The following ZNF829 variants were observed in gnomAD, a reference collection of about 807,000 sequenced individuals.
ZNF829 encodes zinc finger protein 829.
Under a neutral mutation model 35.2 loss-of-function variants are expected in ZNF829, and 25 were observed. That is an observed-to-expected ratio of 0.71 (90% CI 0.52 to 0.99). The LOEUF (loss-of-function observed/expected upper bound fraction) is 0.99. Ranked by LOEUF, ZNF829 falls within the 50% of genes least tolerant of loss-of-function variation. ZNF829 has a pLI of 0.00. For synonymous variants in ZNF829, 136 were observed against 163.2 expected (o/e 0.83, Z 1.27); for missense variants, 417 against 515.3 (o/e 0.81, Z 1.85).
chr19:36,911,920 A>C (rs2073267591), intron 3 of ZNF829, among the ~76,000 whole-genome samples: 1 of 152,216 alleles, frequency 6.6e-6, no homozygotes, highest in Non-Finnish European at 1.5e-5. Context: ...CAGGAAATGC[A>C]ATTAGAGGTT....
Position 36,908,476 on chromosome 19 carries a change from G to A in ZNF829, c.97-17C>T. 1 of 1,580,374 alleles carries A rather than the reference G, an allele frequency of 6.3e-7. No homozygotes were observed. Among genetic ancestry groups the A allele is most frequent in the South Asian group, 1.2e-5 (1 of 85,104 alleles). On this transcript the variant is annotated splice_polypyrimidine_tract_variant and intron_variant, in intron 3 of 5. Coordinates refer to ENST00000391711, the MANE Select transcript of ZNF829 (RefSeq NM_001037232.4). ...CACCGGCCCCTGAAACAACAAACAT[G>A]CTTTCACAATGAAAGGAGAAAAGAA...
rs1317195499 is a variant in ZNF829, at chr19:36,889,928, A to T, written c.*1564T>A. On this transcript the variant is annotated 3_prime_UTR_variant, in exon 6 of 6. Transcript: ENST00000391711. ...TAATGCTATAAAATCCTCTCTTAGC[A>T]CTGCTTTTGCTGTATCTCAGATGTT... 1 of 152,136 alleles carries T rather than the reference A, an allele frequency of 6.6e-6. No individual in the cohort carries two copies. Among genetic ancestry groups the T allele is most frequent in the Non-Finnish European group, 1.5e-5 (1 of 68,032 alleles). The allele number at this position is 152,136 out of a possible 1,614,324, so 9.4% of individuals were successfully genotyped here.
In ZNF829 at chr19:36,892,056, A is replaced by G; in HGVS notation, c.735T>C (p.Cys245=). 2.5e-6 allele frequency: 4 copies of G among 1,614,018 alleles called. No individual in the cohort carries two copies. Among genetic ancestry groups the G allele is most frequent in the Non-Finnish European group, 3.4e-6 (4 of 1,179,966 alleles). Residue 245 remains cysteine, a synonymous_variant, in exon 6 of 6, where the codon TGT becomes TGC. Coordinates refer to ENST00000391711, the MANE Select transcript of ZNF829 (RefSeq NM_001037232.4). ...TTGAGCAATACTTAAAGGCTTTTCC[A>G]CATTCCTTACATTCATAGGGTTTCT... ...TGEKPYECKE[C]GKAFKYCSNL... is the part of the protein sequence containing the mutation.
At chr19:36,899,056 G>A (rs111298434) in intron 5 of ZNF829, among the ~76,000 whole-genome samples, 4,256 of 152,240 alleles carry the variant, frequency 0.028, 121 homozygotes, top group African/African-American at 0.074. Flanking sequence ...GAAACAATCA[G>A]CAGAGTGAAG....
chr19:36,899,006 A>C (rs572879270), intron 5 of ZNF829, among the ~76,000 whole-genome samples: 1 of 152,208 alleles, frequency 6.6e-6, no homozygotes, highest in Non-Finnish European at 1.5e-5. Context: ...AAATAGACAA[A>C]TTGGACTATA....
rs71171475 is a variant in ZNF829, at chr19:36,890,686, CAAAAAAAA to C, written c.*798_*805del. ...TGAAACCCCGTCGCTACTAAAAATA[CAAAAAAAA>C]AAAAAAAAAAAATTAGCCGGGCATG... is the stretch of plus-strand genomic sequence containing the variant. On this transcript the variant is annotated 3_prime_UTR_variant, in exon 6 of 6. Coordinates refer to ENST00000391711, the MANE Select transcript of ZNF829 (RefSeq NM_001037232.4). 2.4e-5 allele frequency: 2 copies of C among 84,088 alleles called. No homozygotes were observed. Among genetic ancestry groups the C allele is most frequent in the Non-Finnish European group, 4.9e-5 (2 of 40,526 alleles). The allele number at this position is 84,088 out of a possible 1,614,324, so 5.2% of individuals were successfully genotyped here.
At chr19:36,914,359 G>A (rs2073288105) in intron 3 of ZNF829, among the ~76,000 whole-genome samples, 2 of 152,010 alleles carry the variant, frequency 1.3e-5, no homozygotes, top group South Asian at 4.2e-4. Context: ...TAACTCATAC[G>A]AATCAATAAG....
chr19:36,908,459 C>A lies in ZNF829; in HGVS notation c.97G>T (p.Gly33Trp). 1 of 1,587,176 alleles carries A rather than the reference C, an allele frequency of 6.3e-7. No individual in the cohort carries two copies. Among genetic ancestry groups the A allele is most frequent in the Non-Finnish European group, 8.6e-7 (1 of 1,168,850 alleles). Residue 33 changes from glycine (G) to tryptophan (W), a missense_variant and splice_region_variant, in exon 4 of 6, where the codon GGG becomes TGG. Coordinates refer to ENST00000391711, the MANE Select transcript of ZNF829 (RefSeq NM_001037232.4). ...GAAACATCCCTGAACATCACCGGCCCCTGAAACAACAAACATGCTTTCACA... is the reference window on the plus strand; with the variant it reads ...GAAACATCCCTGAACATCACCGGCCACTGAAACAACAAACATGCTTTCACA... ...HDELLQAVSK[G>W]PVMFRDVSID...
chr19:36,907,840 G>A (rs1435004669), intron 5 of ZNF829, 89 bp downstream of exon 5: 1 of 1,118,920 alleles, frequency 8.9e-7, no homozygotes, highest in African/African-American at 1.6e-5. Flanking sequence ...TATGGAAGAG[G>A]CTTCAGGCCT....
At chr19:36,897,602 G>A (rs971281861) in intron 5 of ZNF829, among the ~76,000 whole-genome samples, 1 of 152,002 alleles carries the variant, frequency 6.6e-6, no homozygotes, top group Non-Finnish European at 1.5e-5. Flanking sequence ...TACTGAATGG[G>A]GAAAAGCCGA....
At chr19:36,902,180 A>G (rs10426088) in intron 5 of ZNF829, 1 of 257,364 alleles carries the variant, frequency 3.9e-6, no homozygotes. Flanking sequence ...AAAAAAAAAA[A>G]CAAGTACCCC....
In ZNF829 at chr19:36,908,413, T is replaced by A; in HGVS notation, c.143A>T (p.Glu48Val). The part of the protein sequence containing the change: ...RDVSIDFSQE[E>V]WECLDADQMN... Reference sequence around the variant, plus strand: ...CTGATCAGCGTCCAGGCATTCCCATTCCTCTTGAGAGAAGTCTATGGAAAC... The same window carrying A: ...CTGATCAGCGTCCAGGCATTCCCATACCTCTTGAGAGAAGTCTATGGAAAC... Residue 48 changes from glutamate (E) to valine (V), a missense_variant, in exon 4 of 6, where the codon GAA (glutamate) becomes GTA (valine). Coordinates refer to ENST00000391711, the MANE Select transcript of ZNF829 (RefSeq NM_001037232.4). 6.2e-7 allele frequency: 1 copy of A among 1,612,924 alleles called. No individual in the cohort carries two copies. The highest frequency in any genetic ancestry group is 1.7e-5 in the Admixed American group (1 of 59,898).
At chr19:36,892,806 C>T in intron 5 of ZNF829, 1 of 686,626 alleles carries the variant, frequency 1.5e-6, no homozygotes, top group Non-Finnish European at 2.1e-6. Flanking sequence ...ATTTTTTTTG[C>T]CCCCACCCCA....
chr19:36,900,337 GAC>G (rs1766156919), intron 5 of ZNF829, among the ~76,000 whole-genome samples: 1 of 149,210 alleles, frequency 6.7e-6, no homozygotes, highest in Non-Finnish European at 1.5e-5. Context: ...CAGCCTGGGT[GAC>G]AGAGTGAGAC....
chr19:36,908,070 C>G, intron 4 of ZNF829, 46 bp from the exon 5 acceptor site: 5 of 1,544,028 alleles, frequency 3.2e-6, no homozygotes, highest in Non-Finnish European at 4.4e-6. Flanking sequence ...TGTGGGGTCC[C>G]CAGAAATCAG....
At chr19:36,897,528 C>T (rs185862547) in intron 5 of ZNF829, among the ~76,000 whole-genome samples, 47 of 152,188 alleles carry the variant, frequency 3.1e-4, no homozygotes, top group Non-Finnish European at 5.4e-4. Context: ...AACCTCTCAA[C>T]GATTAGGCAT....
rs569195240 is a variant in ZNF829 at position 36,913,313 on chromosome 19, C to A, written c.96+1652G>T. ...GCCCACTCAGAGTTCCAAATTTACA[C>A]CTTGAGAAAACATTGTCACTATTCT... On this transcript the variant is annotated intron_variant, in intron 3 of 5. Coordinates refer to ENST00000391711, the MANE Select transcript of ZNF829 (RefSeq NM_001037232.4). 2.6e-5 allele frequency among the ~76,000 whole-genome samples: 4 copies of A among 152,246 alleles called. No individual in the cohort carries two copies. The South Asian group carries it at 8.3e-4, about 32-fold the overall frequency.
intron 5 of ZNF829, among the ~76,000 whole-genome samples, chr19:36,898,515 C>T (rs936226022): frequency 2.6e-5 from 4 of 152,020 alleles, no homozygotes; most frequent in Admixed American, 2.6e-4. Flanking sequence ...AAAAAAAATC[C>T]TAAAATTTGT....
chr19:36,915,072 GT>G, intron 2 of ZNF829, 50 bp from the exon 3 acceptor site: 1 of 1,614,046 alleles, frequency 6.2e-7, no homozygotes, highest in South Asian at 1.1e-5. Context: ...GAGACACCAG[GT>G]TTTTCTTGGT....
Sources: gnomAD v4.1 joint callset for allele counts (sites outside exome capture counted in the v4.1 genomes callset) on GRCh38, gnomAD v4.1.1 for gene constraint, MANE v1.5 for transcripts, NCBI Gene and HGNC (gene_info 2026-07-23, HGNC 2026-07-21) for gene names.